FBXL2: variants seen among roughly 807,000 people sequenced by gnomAD.
The protein encoded by FBXL2 is F-box and leucine rich repeat protein 2.
FBXL2 carries 38 observed loss-of-function variants against 69.2 expected under a neutral mutation model. That is an observed-to-expected ratio of 0.55 (90% CI 0.42 to 0.72). The LOEUF (loss-of-function observed/expected upper bound fraction) is 0.72, where lower values mean the gene tolerates loss of function less well. Among genes scored for constraint, FBXL2 ranks in the 30% least tolerant of loss-of-function variants. The pLI, the probability that FBXL2 is intolerant of heterozygous loss-of-function variation, is 0.00. For synonymous variants in FBXL2, 192 were observed against 201.3 expected, an observed-to-expected ratio of 0.95 and a Z score of 0.39; for missense variants, 354 against 520.3, an observed-to-expected ratio of 0.68 and a Z score of 3.11.
intron 2 of FBXL2, among the ~76,000 whole-genome samples, chr3:33,346,936 A>G (rs1213070683): frequency 6.6e-6 from 1 of 152,216 alleles, no homozygotes; most frequent in African/African-American, 2.4e-5. Flanking sequence ...AAATGGGGAT[A>G]TCCGTCCCTT....
At chr3:33,383,579 T>C in intron 13 of FBXL2, 1 of 224,022 alleles carries the variant, frequency 4.5e-6, no homozygotes, top group Non-Finnish European at 9.0e-6. Context: ...TTGATTTCAC[T>C]GGCATCCCCT....
At chr3:33,404,052 G>C (rs1030415993), downstream of FBXL2, among the ~76,000 whole-genome samples, 1 of 152,156 alleles carries the variant, frequency 6.6e-6, no homozygotes, top group Non-Finnish European at 1.5e-5. Context: ...CTTGAGCCCA[G>C]GAGTTCAAGA....
chr3:33,345,940 A>C lies in FBXL2; in HGVS notation c.66-13027A>C, dbSNP rs149112943. ...GAAAAAATAAAGATCTAAGATTGAG[A>C]ATCTGGCCAGGTGTGGTGGCTCATG... On this transcript the variant is annotated intron_variant, in intron 2 of 14. Coordinates refer to ENST00000484457, the MANE Select transcript of FBXL2 (RefSeq NM_012157.5). Among the ~76,000 whole-genome samples, 18 of 152,280 alleles carry C rather than the reference A, an allele frequency of 1.2e-4. 1 individual carries two copies. In the East Asian group the frequency reaches 2.7e-3, roughly 23 times the overall value.
intron 2 of FBXL2, among the ~76,000 whole-genome samples, chr3:33,325,411 T>G (rs917070456): frequency 7.2e-5 from 11 of 152,220 alleles, no homozygotes; most frequent in African/African-American, 2.7e-4. Flanking sequence ...CCATTCAGTA[T>G]GATATTGGTT....
downstream of FBXL2, among the ~76,000 whole-genome samples, chr3:33,406,866 A>G (rs752870578): frequency 2.0e-4 from 30 of 152,222 alleles, no homozygotes; most frequent in Non-Finnish European, 4.3e-4. Flanking sequence ...ATGAAGACCA[A>G]CAGACACACT....
intron 2 of FBXL2, among the ~76,000 whole-genome samples, chr3:33,298,807 C>A (rs1246673058): frequency 6.6e-6 from 1 of 151,580 alleles, no homozygotes; most frequent in Admixed American, 6.6e-5. Flanking sequence ...AGTCATTCCC[C>A]TAACTGTTTC....
chr3:33,400,168 TAC>T (rs774106895), intron 12 of FBXL2: 115 of 1,443,350 alleles, frequency 8.0e-5, no homozygotes, highest in East Asian at 6.4e-4. Flanking sequence ...CATGCACAGA[TAC>T]ACACACACAT....
At chr3:33,406,617 C>T (rs1308575871), downstream of FBXL2, among the ~76,000 whole-genome samples, 1 of 152,228 alleles carries the variant, frequency 6.6e-6, no homozygotes, top group African/African-American at 2.4e-5. Flanking sequence ...TTTACCAAAA[C>T]TCCATAAATA....
At chr3:33,326,648 G>GTAAAA (rs1355690749) in intron 2 of FBXL2, among the ~76,000 whole-genome samples, 1 of 151,898 alleles carries the variant, frequency 6.6e-6, no homozygotes, top group African/African-American at 2.4e-5. Flanking sequence ...TGATGTTCTG[G>GTAAAA]TAAAATAATG....
chr3:33,353,098 T>G (rs1235134325), intron 2 of FBXL2, among the ~76,000 whole-genome samples: 1 of 152,172 alleles, frequency 6.6e-6, no homozygotes, highest in African/African-American at 2.4e-5. Context: ...TGTATACCTA[T>G]TAGAATGGGT....
At chr3:33,420,645 C>T in the FBXL2 span, among the ~76,000 whole-genome samples, 98 of 152,242 alleles carry the variant, frequency 6.4e-4, 2 homozygotes, top group African/African-American at 1.6e-3. Context: ...CATGCCAGTA[C>T]GCCCAGCTAA....
Position 33,364,617 on chromosome 3 carries a change from G to A in FBXL2, c.196-8G>A. 1.2e-6 allele frequency: 2 copies of A among 1,613,312 alleles called. No individual in the cohort carries two copies. The highest frequency in any genetic ancestry group is 1.1e-5 in the South Asian group (1 of 90,974). ...GTATTTTTTCCTCCCGAACTTTCTT[G>A]ATTAAAGGGTCGAGTGGTGGAAAAT... On this transcript the variant is annotated splice_region_variant and splice_polypyrimidine_tract_variant and intron_variant, in intron 4 of 14. Transcript: ENST00000484457.
rs558873840 is a variant in FBXL2 at position 33,384,627 on chromosome 3, A to G, written c.1164+426A>G. Among the ~76,000 whole-genome samples, 57 of 152,308 alleles carry G rather than the reference A, an allele frequency of 3.7e-4. No individual in the cohort carries two copies. The South Asian group carries it at 0.012, about 31-fold the overall frequency. On this transcript the variant is annotated intron_variant, in intron 14 of 14. Transcript: ENST00000484457. The stretch of plus-strand genomic sequence containing the variant: ...TAGTTATGCAAACTGATCTGGTACA[A>G]TAGTGTCACCTTAAACTTCTTCAAA...
chr3:33,291,578 G>C (rs917854337), intron 1 of FBXL2, among the ~76,000 whole-genome samples: 1 of 152,012 alleles, frequency 6.6e-6, no homozygotes, highest in African/African-American at 2.4e-5. Flanking sequence ...GTAGAAGTAA[G>C]CTATCCAACA....
chr3:33,277,183 TTTA>T, upstream of FBXL2: 1 of 275,254 alleles, frequency 3.6e-6, no homozygotes, highest in East Asian at 5.6e-5. Flanking sequence ...TAACGTTTTT[TTTA>T]AAAAAAAAAA....
chr3:33,343,601 A>G (rs1040432049), intron 2 of FBXL2, among the ~76,000 whole-genome samples: 13 of 152,126 alleles, frequency 8.5e-5, no homozygotes, highest in South Asian at 2.1e-4. Context: ...TTATTCAAAT[A>G]CTACAAACTC....
intron 2 of FBXL2, among the ~76,000 whole-genome samples, chr3:33,304,045 G>A (rs1241709707): frequency 2.0e-5 from 3 of 151,710 alleles, no homozygotes; most frequent in East Asian, 1.9e-4. Context: ...AATGCTAAAT[G>A]TATGTATTCA....
At chr3:33,299,615 T>C (rs1287781626) in intron 2 of FBXL2, among the ~76,000 whole-genome samples, 2 of 152,218 alleles carry the variant, frequency 1.3e-5, no homozygotes, top group Non-Finnish European at 2.9e-5. Flanking sequence ...AGGACTTAGC[T>C]TCTTTGTGGT....
In FBXL2 at chr3:33,400,828, T is replaced by A. The variant is rs992752385; in HGVS notation, n.1215-2406T>A. ...ACTCAGGTGATGGACACCCAAAATA[T>A]CCTGACTCGATTACCACACATTACC... On this transcript the variant is annotated intron_variant and non_coding_transcript_variant, in intron 12 of 12. Coordinates refer to the FBXL2 transcript ENST00000463736. 95 of 828,998 alleles carry A rather than the reference T, an allele frequency of 1.1e-4. No individual in the cohort carries two copies. The Middle Eastern group carries it at 3.8e-3, about 33-fold the overall frequency. The allele number at this position is 828,998 out of a possible 1,614,324, so 51.4% of individuals were successfully genotyped here.
Sources: allele counts gnomAD v4.1 joint callset (sites outside exome capture counted in the v4.1 genomes callset), GRCh38; gene constraint gnomAD v4.1.1; transcripts MANE v1.5; gene names NCBI Gene and HGNC (gene_info 2026-07-23, HGNC 2026-07-21).